MAP3K2: variants seen among roughly 807,000 people sequenced by gnomAD.
MAP3K2 encodes the protein MAP/ERK kinase kinase 2.
Under a neutral mutation model 80.3 loss-of-function variants are expected in MAP3K2, and 24 were observed. The ratio of observed to expected loss-of-function variants is 0.30; its 90% CI spans 0.22 to 0.42. The LOEUF (loss-of-function observed/expected upper bound fraction) is 0.42. Ranked by LOEUF, MAP3K2 falls within the 10% of genes least tolerant of loss-of-function variation. The probability of loss-of-function intolerance (pLI) is 1.00; values close to 1 mark genes in which losing one functional copy is unlikely to be tolerated. For missense variants in MAP3K2, 608 were observed against 750.1 expected (o/e 0.81, Z 2.21); for synonymous variants, 244 against 253.7 (o/e 0.96, Z 0.36).
At chr2:127,355,637 A>C (rs1686784099) in intron 1 of MAP3K2, among the ~76,000 whole-genome samples, 1 of 152,140 alleles carries the variant, frequency 6.6e-6, no homozygotes, top group Admixed American at 6.5e-5. Context: ...CTGACTGATA[A>C]GGGTGGTGGT....
At chr2:127,388,024 A>G, upstream of MAP3K2, 1 of 981,460 alleles carries the variant, frequency 1.0e-6, no homozygotes, top group Non-Finnish European at 1.2e-6. Flanking sequence ...GTGCGCGCGC[A>G]CCCCTCCGCC....
chr2:127,342,649 A>T (rs922106694), intron 2 of MAP3K2, among the ~76,000 whole-genome samples: 1 of 144,916 alleles, frequency 6.9e-6, no homozygotes, highest in African/African-American at 2.6e-5. Context: ...CCTTAACACA[A>T]AGGAGAAAAG....
At chr2:127,315,127 T>C (rs944865865) in intron 14 of MAP3K2, among the ~76,000 whole-genome samples, 6 of 152,208 alleles carry the variant, frequency 3.9e-5, no homozygotes, top group Non-Finnish European at 8.8e-5. Context: ...GTTTTTTTCT[T>C]TATATACTCA....
intron 1 of MAP3K2, among the ~76,000 whole-genome samples, chr2:127,368,454 C>G (rs1455617853): frequency 3.9e-5 from 6 of 152,026 alleles, no homozygotes; most frequent in East Asian, 3.9e-4. Flanking sequence ...AACCCCATCT[C>G]TACTAAAAAT....
Position 127,307,512 on chromosome 2 carries a change from T to C in MAP3K2, c.*67A>G. On this transcript the variant is annotated 3_prime_UTR_variant, in exon 17 of 17. Transcript: ENST00000682094. The surrounding 1 kb of genome is among the most constrained non-coding windows in gnomAD (Gnocchi z 5.4). ...TCTCTTTTTTTATAAAAAAGAAAAG[T>C]GCAGTCAGAGAGAAGGTGAATGAAT... The C allele has an allele frequency of 1.1e-6, 1 of 935,920 alleles. No homozygotes were observed. The highest frequency in any genetic ancestry group is 1.5e-6 in the Non-Finnish European group (1 of 645,696). The allele number at this position is 935,920 out of a possible 1,614,324, so 58.0% of individuals were successfully genotyped here.
At chr2:127,385,019 T>TAC (rs1687319493) in intron 1 of MAP3K2, among the ~76,000 whole-genome samples, 3 of 152,150 alleles carry the variant, frequency 2.0e-5, no homozygotes, top group Non-Finnish European at 4.4e-5. Context: ...GGACTTAGAT[T>TAC]ACAAAAACTT....
At chr2:127,360,892 G>A (rs1273841296) in intron 1 of MAP3K2, among the ~76,000 whole-genome samples, 3 of 152,126 alleles carry the variant, frequency 2.0e-5, no homozygotes, top group Non-Finnish European at 2.9e-5. Context: ...CATAACACCA[G>A]TCACCTCTGA....
chr2:127,363,106 T>C (rs549771970), intron 1 of MAP3K2, among the ~76,000 whole-genome samples: 35 of 152,234 alleles, frequency 2.3e-4, no homozygotes, highest in South Asian at 1.2e-3. Flanking sequence ...TGTGTGTAGG[T>C]TGCATGCAAG....
rs1031697935 is a variant in MAP3K2 at position 127,387,969 on chromosome 2, C to G, written c.-583G>C. 4.2e-5 allele frequency: 41 copies of G among 984,448 alleles called. No homozygotes were observed. In the African/African-American group the frequency reaches 6.8e-4, roughly 16 times the overall value. 61.0% of individuals were successfully genotyped at this position (984,448 alleles called of 1,614,324 possible). A position where few individuals can be genotyped will look rare whatever the true frequency, so the allele number is the denominator to read the frequency against. ...AGCCCGGCAGCCACTACACACGGAC[C>G]CGTGACGTCGGGCGTAGCGCGGCGC... is the stretch of plus-strand genomic sequence containing the variant. On this transcript the variant is annotated 5_prime_UTR_variant, in exon 1 of 17. Coordinates refer to ENST00000682094, the MANE Select transcript of MAP3K2 (RefSeq NM_001371910.2).
Position 127,317,713 on chromosome 2 carries a change from T to C in MAP3K2, c.1242A>G (p.Leu414=), listed in dbSNP as rs1558974585. 1.2e-6 allele frequency: 2 copies of C among 1,600,992 alleles called. No homozygotes were observed. The highest frequency in any genetic ancestry group is 1.7e-6 in the Non-Finnish European group (2 of 1,172,934). The part of the protein sequence containing the change: ...ECEIQLLKNL[L]HERIVQYYGC... ...CATAATACTGAACAATTCGCTCATG[T>C]AGCAAGTTTTTCAGCAACTGAATTT... The change falls in exon 14 of 17, where the codon CTA becomes CTG. Residue 414 remains leucine (L), a synonymous_variant. Coordinates refer to ENST00000682094, the MANE Select transcript of MAP3K2 (RefSeq NM_001371910.2).
intron 1 of MAP3K2, among the ~76,000 whole-genome samples, chr2:127,385,246 C>T (rs1252013058): frequency 6.6e-6 from 1 of 152,116 alleles, no homozygotes; most frequent in Non-Finnish European, 1.5e-5. Context: ...TTGCCTCAGC[C>T]ATCCCAAACT....
At chr2:127,341,538 T>G (rs1206917509) in intron 2 of MAP3K2, among the ~76,000 whole-genome samples, 3 of 140,256 alleles carry the variant, frequency 2.1e-5, no homozygotes, top group South Asian at 2.4e-4. Flanking sequence ...TTGTTTTTTT[T>G]TTTTTTTTTT....
chr2:127,387,886 C>G lies in MAP3K2; in HGVS notation c.-500G>C. ...TCGCCGCCGCGGGCCGTGCAACCCC[C>G]GAACGCTGCGCCCAGCGGCCGCGGC... On this transcript the variant is annotated 5_prime_UTR_variant, in exon 1 of 17. Transcript: ENST00000682094. 6.1e-6 allele frequency: 6 copies of G among 982,314 alleles called. No individual in the cohort carries two copies. Among genetic ancestry groups the G allele is most frequent in the Non-Finnish European group, 7.3e-6 (6 of 827,258 alleles). The allele number at this position is 982,314 out of a possible 1,614,324, so 60.8% of individuals were successfully genotyped here.
rs1687032968 is a variant in MAP3K2 at position 127,369,875 on chromosome 2, TGTAGGA to T, written c.-66+17571_-66+17576del. On this transcript the variant is annotated intron_variant, in intron 1 of 16. Transcript: ENST00000682094. ...TAACTAATTAACCAGTAATGTTCCG[TGTAGGA>T]GATCAGTCAGGGTGGTGGGAAAAAT... Among the ~76,000 whole-genome samples, 5 of 152,278 alleles carry T rather than the reference TGTAGGA, an allele frequency of 3.3e-5. No individual in the cohort carries two copies. In the South Asian group the frequency reaches 1.0e-3, roughly 32 times the overall value.
In MAP3K2 at chr2:127,387,943, C is replaced by A. The variant is rs894730016; in HGVS notation, c.-557G>T. 8.1e-6 allele frequency: 8 copies of A among 984,598 alleles called. No homozygotes were observed. In the African/African-American group the frequency reaches 1.2e-4, roughly 15 times the overall value. The allele number at this position is 984,598 out of a possible 1,614,324, so 61.0% of individuals were successfully genotyped here. On this transcript the variant is annotated 5_prime_UTR_variant, in exon 1 of 17. Transcript: ENST00000682094. ...GTCAGGCGCCGCCGCTGAGGGCAGG[C>A]AGCCCGGCAGCCACTACACACGGAC...
chr2:127,309,525 C>T (rs1175188921), intron 15 of MAP3K2, among the ~76,000 whole-genome samples: 1 of 152,124 alleles, frequency 6.6e-6, no homozygotes, highest in South Asian at 2.1e-4. Context: ...CAAGTTCATA[C>T]TTTGCTTAGA....
chr2:127,342,388 G>GGTGTGTGTGTGTGTGTGTGTGTGTGT (rs56300936), intron 2 of MAP3K2, among the ~76,000 whole-genome samples: 115 of 147,856 alleles, frequency 7.8e-4, no homozygotes, highest in African/African-American at 2.6e-3. Context: ...TCTTCATGAG[G>GGTGTGTGTGTGTGTGTGTGTGTGTGT]GTGTGTGTGT....
chr2:127,308,825 G>A, intron 15 of MAP3K2, 63 bp from the exon 16 acceptor site: 3 of 1,505,724 alleles, frequency 2.0e-6, no homozygotes, highest in Non-Finnish European at 2.7e-6. Context: ...TAGCATAAAA[G>A]AACAATGGCA....
chr2:127,357,559 G>A (rs1220284881), intron 1 of MAP3K2, among the ~76,000 whole-genome samples: 1 of 152,118 alleles, frequency 6.6e-6, no homozygotes, highest in Non-Finnish European at 1.5e-5. Flanking sequence ...GTTTGAAAAA[G>A]AAGAAAGAGA....
Sources: allele counts gnomAD v4.1 joint callset (sites outside exome capture counted in the v4.1 genomes callset), GRCh38; gene constraint gnomAD v4.1.1; non-coding constraint Gnocchi (gnomAD v3.1); transcripts MANE v1.5; gene names NCBI Gene and HGNC (gene_info 2026-07-23, HGNC 2026-07-21).